Variants in ADAM28 observed in about 807,000 individuals in gnomAD.
The protein encoded by ADAM28 is disintegrin and metalloproteinase domain-containing protein 28.
In ADAM28, 105 loss-of-function variants were observed where a neutral mutation model predicts 101.2. The ratio of observed to expected loss-of-function variants is 1.04; its 90% CI spans 0.89 to 1.22. The LOEUF (loss-of-function observed/expected upper bound fraction) is 1.22, where lower values mean the gene tolerates loss of function less well. Ranked by LOEUF, ADAM28 falls within the 50% of genes most tolerant of loss-of-function variation. The pLI is 0.00. For synonymous variants in ADAM28, 322 were observed against 310.6 expected (o/e 1.04, Z -0.39); for missense variants, 1,028 against 945.4 (o/e 1.09, Z -1.15).
intron 2 of ADAM28, among the ~76,000 whole-genome samples, chr8:24,306,950 T>C (rs945161262): frequency 6.6e-6 from 1 of 152,198 alleles, no homozygotes; most frequent in Non-Finnish European, 1.5e-5. Context: ...AAACATAGAC[T>C]GAAGAAGCTA....
At chr8:24,306,354 A>AT (rs1491258585) in intron 2 of ADAM28, among the ~76,000 whole-genome samples, 4,348 of 116,068 alleles carry the variant, frequency 0.037, 294 homozygotes, top group African/African-American at 0.093. Flanking sequence ...AAATACAAAT[A>AT]AATAAATAAA....
rs1439124587 is a variant in ADAM28 at position 24,335,696 on chromosome 8, G to C, written c.1567+55G>C. 2.7e-6 allele frequency: 4 copies of C among 1,487,834 alleles called. No homozygotes were observed. In the Admixed American group the frequency reaches 9.6e-5, roughly 36 times the overall value. The allele number at this position is 1,487,834 out of a possible 1,614,324, so 92.2% of individuals were successfully genotyped here. On this transcript the variant is annotated intron_variant, in intron 14 of 22. Transcript: ENST00000265769. ...TGTGCGAAGGAAAATCATTTCAGATGACAGTGTTTAACCATGGTCAAAGGA... is the reference window on the plus strand; with the variant it reads ...TGTGCGAAGGAAAATCATTTCAGATCACAGTGTTTAACCATGGTCAAAGGA...
Position 24,358,074 on chromosome 8 carries a change from G to A in ADAM28, c.*3670G>A, listed in dbSNP as rs1395069766. On this transcript the variant is annotated 3_prime_UTR_variant, in exon 23 of 23. Coordinates refer to ENST00000265769, the MANE Select transcript of ADAM28 (RefSeq NM_014265.6). ...TTTCCTATCAGTTTAATTTTATAAA[G>A]GCTAACCAATTAACTGTTTTTAACT... 1 of 150,810 alleles carries A rather than the reference G, an allele frequency of 6.6e-6. No homozygotes were observed. Among genetic ancestry groups the A allele is most frequent in the Non-Finnish European group, 1.5e-5 (1 of 67,874 alleles). The allele number at this position is 150,810 out of a possible 1,614,324, so 9.3% of individuals were successfully genotyped here.
intron 10 of ADAM28, among the ~76,000 whole-genome samples, chr8:24,327,793 T>G (rs545713507): frequency 6.6e-6 from 1 of 152,244 alleles, no homozygotes; most frequent in Non-Finnish European, 1.5e-5. Flanking sequence ...GGGAAAGGAT[T>G]CTCTATTTAA....
intron 16 of ADAM28, among the ~76,000 whole-genome samples, chr8:24,342,505 C>T (rs963430007): frequency 6.6e-6 from 1 of 152,136 alleles, no homozygotes; most frequent in African/African-American, 2.4e-5. Flanking sequence ...GCTGATTTGA[C>T]ATTAAAATAT....
Position 24,329,859 on chromosome 8 carries a change from G to A in ADAM28, c.973-126G>A. 3.3e-6 allele frequency: 3 copies of A among 896,746 alleles called. 1 individual carries two copies. The highest frequency in any genetic ancestry group is 3.2e-5 in the South Asian group (2 of 63,246). The allele number at this position is 896,746 out of a possible 1,614,324, so 55.5% of individuals were successfully genotyped here. ...TCTCTCTCTTGCTCTGTGTGTGTGT[G>A]TGTGTGTGTTTGTGTGTGTGTGTGT... On this transcript the variant is annotated intron_variant, in intron 10 of 22. Coordinates refer to ENST00000265769, the MANE Select transcript of ADAM28 (RefSeq NM_014265.6).
intron 5 of ADAM28, among the ~76,000 whole-genome samples, chr8:24,312,130 T>C (rs923529784): frequency 2.0e-5 from 3 of 152,206 alleles, no homozygotes; most frequent in Admixed American, 6.5e-5. Context: ...TGATATACTA[T>C]GCATCTGTCT....
chr8:24,330,318 G>T (rs1283717160), intron 11 of ADAM28, among the ~76,000 whole-genome samples: 1 of 152,106 alleles, frequency 6.6e-6, no homozygotes, highest in Non-Finnish European at 1.5e-5. Flanking sequence ...TGCTGATGGG[G>T]CAATTCATCA....
Position 24,349,963 on chromosome 8 carries a change from A to G in ADAM28, c.2090A>G (p.Lys697Arg), listed in dbSNP as rs1202984777. The G allele has an allele frequency of 1.2e-6, 2 of 1,613,526 alleles. No individual in the cohort carries two copies. The highest frequency in any genetic ancestry group is 1.1e-5 in the South Asian group (1 of 91,066). The stretch of plus-strand genomic sequence containing the variant: ...CAGAGCTCCAGAGAAAAGCAGAAGA[A>G]AGATCAGAGGTGATCCTTTATCTTA... The part of the protein sequence containing the change: ...RHQSSREKQK[K>R]DQRPLSTTGT... Residue 697 changes from lysine (K) to arginine (R), a missense_variant, in exon 19 of 23, where the codon AAA becomes AGA. Coordinates refer to ENST00000265769, the MANE Select transcript of ADAM28 (RefSeq NM_014265.6).
At position 24,321,267 on chromosome 8, in the gene ADAM28, A is replaced by G; in HGVS notation, c.698A>G (p.Glu233Gly). The G allele has an allele frequency of 6.2e-7, 1 of 1,607,594 alleles. No individual in the cohort carries two copies. The highest frequency in any genetic ancestry group is 8.5e-7 in the Non-Finnish European group (1 of 1,174,680). ...NQDEIRKRVF[E>G]MANYVNMLYK... ...GATGAGATCAGAAAGAGGGTATTTG[A>G]GATGGCTAATTATGTCAACATGGTA... is the stretch of plus-strand genomic sequence containing the variant. Residue 233 changes from glutamate to glycine, a missense_variant, in exon 8 of 23, where the codon GAG (glutamate) becomes GGG (glycine). By Grantham distance (98) the Glu-to-Gly change is moderately conservative. Transcript: ENST00000265769.
chr8:24,311,004 T>C (rs1585553738), intron 4 of ADAM28, among the ~76,000 whole-genome samples: 1 of 152,114 alleles, frequency 6.6e-6, no homozygotes, highest in East Asian at 1.9e-4. Flanking sequence ...AGATCTTTGC[T>C]AGAAAGAAGT....
intron 18 of ADAM28, among the ~76,000 whole-genome samples, chr8:24,348,246 T>C (rs973929812): frequency 2.0e-5 from 3 of 152,182 alleles, no homozygotes; most frequent in African/African-American, 4.8e-5. Context: ...TTACTTTCTT[T>C]TGTAGAGCAG....
At chr8:24,329,209 C>A (rs1813023209) in intron 10 of ADAM28, among the ~76,000 whole-genome samples, 1 of 152,102 alleles carries the variant, frequency 6.6e-6, no homozygotes, top group African/African-American at 2.4e-5. Flanking sequence ...GTATCAACTT[C>A]CCAACTTACA....
chr8:24,325,889 A>AAAAAAAAAAAAAAAAAC (rs1563297002), intron 9 of ADAM28, among the ~76,000 whole-genome samples: 3 of 141,924 alleles, frequency 2.1e-5, no homozygotes, highest in African/African-American at 8.3e-5. Flanking sequence ...AAAAAAAAAA[A>AAAAAAAAAAAAAAAAAC]AAAAAAAAAA....
intron 1 of ADAM28, 115 bp downstream of exon 1, chr8:24,294,310 A>C: frequency 8.0e-7 from 1 of 1,251,882 alleles, no homozygotes; most frequent in Non-Finnish European, 1.1e-6. Flanking sequence ...TTTTTTCTCA[A>C]TCAATCTTAC....
intron 1 of ADAM28, among the ~76,000 whole-genome samples, chr8:24,295,541 A>G (rs1256814555): frequency 6.6e-6 from 1 of 152,182 alleles, no homozygotes; most frequent in African/African-American, 2.4e-5. Context: ...GCTGAAATAC[A>G]AGAACTGCTT....
intron 10 of ADAM28, among the ~76,000 whole-genome samples, chr8:24,329,630 T>C (rs989982265): frequency 2.0e-5 from 3 of 152,116 alleles, no homozygotes; most frequent in Non-Finnish European, 2.9e-5. Context: ...GATGGCCAAA[T>C]GCATCATAGA....
chr8:24,336,183 C>T (rs1814024402), intron 14 of ADAM28: 1 of 982,926 alleles, frequency 1.0e-6, no homozygotes, highest in African/African-American at 1.8e-5. Flanking sequence ...TCGCTTTGTC[C>T]ATAATGCCAA....
At chr8:24,305,164 C>T (rs139912895) in intron 2 of ADAM28, among the ~76,000 whole-genome samples, 10 of 151,780 alleles carry the variant, frequency 6.6e-5, no homozygotes, top group African/African-American at 2.2e-4. Flanking sequence ...CATTTAGAGT[C>T]CCTCCCATTT....
Sources: allele counts gnomAD v4.1 joint callset (sites outside exome capture counted in the v4.1 genomes callset), GRCh38; gene constraint gnomAD v4.1.1; transcripts MANE v1.5; gene names NCBI Gene and HGNC (gene_info 2026-07-23, HGNC 2026-07-21).